SYNE2: variants seen among roughly 807,000 people sequenced by gnomAD.
The protein encoded by SYNE2 is nesprin-2.
SYNE2 carries 431 observed loss-of-function variants against 856.3 expected under a neutral mutation model. The ratio of observed to expected loss-of-function variants is 0.50; its 90% CI spans 0.47 to 0.55. The LOEUF is 0.55. Ranked by LOEUF, SYNE2 falls within the 20% of genes least tolerant of loss-of-function variation. SYNE2 has a pLI of 0.00. For missense variants in SYNE2, 8,129 were observed against 8,023.2 expected (o/e 1.01, Z -0.50); for synonymous variants, 2,923 against 2,872.3 (o/e 1.02, Z -0.56).
At chr14:63,781,863 T>C (rs1887324932) in intron 1 of SYNE2, among the ~76,000 whole-genome samples, 1 of 151,786 alleles carries the variant, frequency 6.6e-6, no homozygotes. Flanking sequence ...GTTTAAAAGG[T>C]CAGGAGCAGT....
rs150728672 is a variant in SYNE2, at chr14:63,967,943, A to G, written c.1128+97A>G. On this transcript the variant is annotated intron_variant, in intron 11 of 115. Transcript: ENST00000555002. ...TTTGGGAGACCAAGGCGGGTGGATC[A>G]CTTGAGGTCAGGAGTTTGATAGCAG... 7.0e-5 allele frequency: 85 copies of G among 1,215,562 alleles called. No homozygotes were observed. The African/African-American group carries it at 1.2e-3, about 18-fold the overall frequency. The allele number at this position is 1,215,562 out of a possible 1,614,324, so 75.3% of individuals were successfully genotyped here.
At chr14:64,011,297 A>G (rs1035454256) in intron 32 of SYNE2, among the ~76,000 whole-genome samples, 4 of 152,208 alleles carry the variant, frequency 2.6e-5, no homozygotes, top group Non-Finnish European at 5.9e-5. Context: ...TGTCAAGACC[A>G]TGAGCAGATA....
intron 100 of SYNE2, among the ~76,000 whole-genome samples, chr14:64,203,258 G>A (rs2098586012): frequency 6.6e-6 from 1 of 151,956 alleles, no homozygotes; most frequent in South Asian, 2.1e-4. Flanking sequence ...GATCTTTGTT[G>A]TGTTTTGTTA....
intron 100 of SYNE2, among the ~76,000 whole-genome samples, chr14:64,205,106 G>T (rs2098598880): frequency 6.6e-6 from 1 of 152,124 alleles, no homozygotes; most frequent in Non-Finnish European, 1.5e-5. Context: ...TGATAATCCA[G>T]GATAATCTCC....
chr14:63,953,828 G>C (rs2096203678), intron 7 of SYNE2, among the ~76,000 whole-genome samples: 2 of 152,176 alleles, frequency 1.3e-5, no homozygotes, highest in Admixed American at 6.5e-5. Flanking sequence ...CATATGAGTG[G>C]AGTCATGTGG....
At chr14:63,773,116 G>T (rs1886981662) in intron 1 of SYNE2, among the ~76,000 whole-genome samples, 1 of 151,638 alleles carries the variant, frequency 6.6e-6, no homozygotes, top group African/African-American at 2.4e-5. Flanking sequence ...CCATTTTATT[G>T]TTGTTTATTA....
chr14:64,060,218 CT>C (rs2097305601), intron 49 of SYNE2, among the ~76,000 whole-genome samples: 2 of 152,168 alleles, frequency 1.3e-5, no homozygotes, highest in African/African-American at 4.8e-5. Context: ...CAGAAATGGC[CT>C]CTCCTGGTAG....
chr14:64,037,243 A>G (rs911604278), intron 45 of SYNE2, among the ~76,000 whole-genome samples: 6 of 151,794 alleles, frequency 4.0e-5, no homozygotes, highest in African/African-American at 1.5e-4. Context: ...CAAGTGAACA[A>G]AGGTCTCTGG....
chr14:63,830,840 C>CTTTTTTTTTTTTTTTTTTTTTTTTTT (rs11427202), intron 1 of SYNE2, among the ~76,000 whole-genome samples: 1 of 108,724 alleles, frequency 9.2e-6, no homozygotes, highest in African/African-American at 3.6e-5. Flanking sequence ...TGATCCCATT[C>CTTTTTTTTTTTTTTTTTTTTTTTTTT]TTTTTTTTTT....
chr14:64,106,585 C>G (rs918118858), intron 64 of SYNE2, among the ~76,000 whole-genome samples: 37 of 152,086 alleles, frequency 2.4e-4, no homozygotes, highest in Admixed American at 1.6e-3. Flanking sequence ...GGAGGCGGAG[C>G]TTGTGGTGAG....
rs1198487596 is a variant in SYNE2 at position 63,858,664 on chromosome 14, C to T, written c.-52+5521C>T. On this transcript the variant is annotated intron_variant, in intron 1 of 115. Coordinates refer to ENST00000555002, the MANE Select transcript of SYNE2 (RefSeq NM_182914.3). ...ACAGCAGAGCCCTTATAACCTATCA[C>T]CTGATAAAAGTTCCATCTCTTAATA... Among the ~76,000 whole-genome samples the T allele has an allele frequency of 2.0e-5, 3 of 152,236 alleles. No homozygotes were observed. The East Asian group carries it at 5.8e-4, about 29-fold the overall frequency.
intron 32 of SYNE2, 129 bp from the exon 33 acceptor site, chr14:64,016,344 A>T (rs2096891889): frequency 6.4e-6 from 4 of 626,718 alleles, no homozygotes. Context: ...TTTAAAAAAG[A>T]ACAATGTAAG....
intron 14 of SYNE2, among the ~76,000 whole-genome samples, chr14:63,980,236 A>G (rs570630766): frequency 3.9e-5 from 6 of 152,316 alleles, no homozygotes; most frequent in African/African-American, 1.2e-4. Flanking sequence ...TGTGTGATGG[A>G]TATCTTTTTG....
intron 31 of SYNE2, among the ~76,000 whole-genome samples, chr14:64,009,228 T>G (rs897736024): frequency 6.6e-6 from 1 of 151,858 alleles, no homozygotes; most frequent in African/African-American, 2.4e-5. Context: ...AAATCCAGAA[T>G]GAATAGAATA....
Position 64,159,381 on chromosome 14 carries a change from A to G in SYNE2, c.16033A>G (p.Lys5345Glu). The G allele has an allele frequency of 6.2e-7, 1 of 1,614,056 alleles. No individual in the cohort carries two copies. The highest frequency in any genetic ancestry group is 2.2e-5 in the East Asian group (1 of 44,880). ...EKLQEVIGKL[K>E]GLCPSVAEII... ...ACTCCAGGAGGTTATCGGCAAACTCAAAGGTCTCTGCCCCTCTGTTGCTGA... is the reference window on the plus strand; with the variant it reads ...ACTCCAGGAGGTTATCGGCAAACTCGAAGGTCTCTGCCCCTCTGTTGCTGA... The change falls in exon 87 of 116, where the codon AAA becomes GAA. Residue 5345 changes from lysine (K) to glutamate (E), a missense_variant. Coordinates refer to ENST00000555002, the MANE Select transcript of SYNE2 (RefSeq NM_182914.3).
intron 1 of SYNE2, among the ~76,000 whole-genome samples, chr14:63,837,716 A>G (rs1041910066): frequency 3.9e-5 from 6 of 151,930 alleles, no homozygotes; most frequent in African/African-American, 1.5e-4. Flanking sequence ...GGAGTTTGAG[A>G]CCAGCCTGGG....
chr14:64,219,104 G>GTTTTTTTT lies in SYNE2; in HGVS notation c.19658-91_19658-84dup, dbSNP rs528002229. On this transcript the variant is annotated intron_variant, in intron 109 of 115. Transcript: ENST00000555002. ...CAGGGGAATCCCCTACAGTTTTTTT[G>GTTTTTTTT]TTTTTTTTTTTTTTTTTTTTAACCA... 2.2e-3 allele frequency: 883 copies of GTTTTTTTT among 408,616 alleles called. 141 individuals carry two copies. The highest frequency in any genetic ancestry group is 0.015 in the East Asian group (250 of 17,080). 25.3% of individuals were successfully genotyped at this position (408,616 alleles called of 1,614,324 possible).
intron 106 of SYNE2, 46 bp downstream of exon 106, chr14:64,214,516 A>G (rs761688536): frequency 1.3e-6 from 2 of 1,566,106 alleles, no homozygotes; most frequent in Admixed American, 1.8e-5. Context: ...CCGTTTGGCT[A>G]TGTTTTTAGC....
At chr14:63,826,518 T>C (rs1029909840) in intron 1 of SYNE2, among the ~76,000 whole-genome samples, 2 of 152,138 alleles carry the variant, frequency 1.3e-5, no homozygotes, top group Non-Finnish European at 2.9e-5. Flanking sequence ...GCCGGGATGG[T>C]CTTGATCTCT....
Sources: allele counts gnomAD v4.1 joint callset (sites outside exome capture counted in the v4.1 genomes callset), GRCh38; gene constraint gnomAD v4.1.1; transcripts MANE v1.5; gene names NCBI Gene and HGNC (gene_info 2026-07-23, HGNC 2026-07-21).